PTPRJ: variants seen among roughly 807,000 people sequenced by gnomAD.
The protein encoded by PTPRJ is receptor-type tyrosine-protein phosphatase eta.
PTPRJ carries 129 observed loss-of-function variants against 141.3 expected under a neutral mutation model. The observed-to-expected ratio is 0.91, with a 90% CI of 0.79 to 1.06. PTPRJ has a LOEUF of 1.06. Ranked by LOEUF, PTPRJ falls within the 50% of genes least tolerant of loss-of-function variation. The probability of loss-of-function intolerance (pLI) is 0.00; values close to 1 mark genes in which losing one functional copy is unlikely to be tolerated. For missense variants in PTPRJ, 1,601 were observed against 1,679.7 expected, an observed-to-expected ratio of 0.95 and a Z score of 0.82; for synonymous variants, 610 against 640.5, an observed-to-expected ratio of 0.95 and a Z score of 0.72.
chr11:48,013,103 C>T (rs1218554035), intron 1 of PTPRJ, among the ~76,000 whole-genome samples: 1 of 90,062 alleles, frequency 1.1e-5, no homozygotes, highest in Non-Finnish European at 2.3e-5. Context: ...GACTCTGTGT[C>T]AAAAAAAAAA....
chr11:48,059,668 C>T (rs1310025055), intron 1 of PTPRJ, among the ~76,000 whole-genome samples: 2 of 152,166 alleles, frequency 1.3e-5, no homozygotes, highest in Non-Finnish European at 2.9e-5. Context: ...GTTATGGTCT[C>T]CTAGGTGACA....
Position 47,980,921 on chromosome 11 carries a change from G to C in PTPRJ, c.9G>C (p.Pro3=), listed in dbSNP as rs1327966683. The part of the protein sequence containing the change: MK[P]AAREARLPPR... ...TCCAGGGCGCGCGGGGCATGAAGCC[G>C]GCGGCGCGGGAGGCGCGGCTGCCTC... Residue 3 remains proline (P), a synonymous_variant, in exon 1 of 25, where the codon CCG becomes CCC. Coordinates refer to ENST00000418331, the MANE Select transcript of PTPRJ (RefSeq NM_002843.4). 1 of 1,174,556 alleles carries C rather than the reference G, an allele frequency of 8.5e-7. No homozygotes were observed. 72.8% of individuals were successfully genotyped at this position (1,174,556 alleles called of 1,614,324 possible).
At chr11:48,003,448 C>T (rs766072474) in intron 1 of PTPRJ, among the ~76,000 whole-genome samples, 15 of 151,952 alleles carry the variant, frequency 9.9e-5, no homozygotes, top group African/African-American at 2.9e-4. Context: ...TCATTATGTC[C>T]GTCCCAGCAC....
chr11:48,125,032 C>T lies in PTPRJ; in HGVS notation c.939C>T (p.Leu313=), dbSNP rs752929530. The change falls in exon 6 of 25, where the codon CTC becomes CTT. Residue 313 remains leucine (L), a synonymous_variant. Coordinates refer to ENST00000418331, the MANE Select transcript of PTPRJ (RefSeq NM_002843.4). ...CCGCCCCTGTGCATGATGAGTCCCT[C>T]GTGGGACCTGTGGACCCATCCTCCG... ...SPTAPVHDES[L]VGPVDPSSGQ... 1.6e-5 allele frequency: 26 copies of T among 1,614,014 alleles called. No individual in the cohort carries two copies. The highest frequency in any genetic ancestry group is 1.1e-4 in the African/African-American group (8 of 74,908).
intron 15 of PTPRJ, 149 bp from the exon 16 acceptor site, chr11:48,149,298 G>T: frequency 1.5e-6 from 1 of 650,894 alleles, no homozygotes; most frequent in South Asian, 1.9e-5. Context: ...TAGTATTAGG[G>T]GGCAGGATTT....
intron 18 of PTPRJ, among the ~76,000 whole-genome samples, chr11:48,153,449 C>T (rs904678351): frequency 8.6e-5 from 12 of 140,136 alleles, no homozygotes; most frequent in Non-Finnish European, 1.5e-4. Context: ...CAGGAGACCG[C>T]GCCACTGCAC....
At chr11:48,120,974 TA>T in intron 3 of PTPRJ, 28 bp from the exon 4 acceptor site, 2 of 1,423,764 alleles carry the variant, frequency 1.4e-6, no homozygotes, top group East Asian at 2.6e-5. Context: ...TGAAGTGCAA[TA>T]ATTTTTTTTT....
rs564008929 is a variant in PTPRJ, at chr11:48,131,838, C to T, written c.1615+1122C>T. The T allele has an allele frequency of 6.2e-5, 19 of 307,304 alleles. No individual in the cohort carries two copies. The South Asian group carries it at 2.3e-3, about 38-fold the overall frequency. The allele number at this position is 307,304 out of a possible 1,614,324, so 19.0% of individuals were successfully genotyped here. ...TCCCTAGGTTCTTTCAAGGGGTCTC[C>T]AAGGTAGTATTATCATAACAATACT... On this transcript the variant is annotated intron_variant, in intron 8 of 24. Coordinates refer to ENST00000418331, the MANE Select transcript of PTPRJ (RefSeq NM_002843.4).
At chr11:48,105,431 G>C (rs1368471459) in intron 1 of PTPRJ, among the ~76,000 whole-genome samples, 1 of 152,174 alleles carries the variant, frequency 6.6e-6, no homozygotes, top group Non-Finnish European at 1.5e-5. Flanking sequence ...GCAGTCACAG[G>C]AAGTCACCAA....
intron 1 of PTPRJ, among the ~76,000 whole-genome samples, chr11:48,060,150 CT>C (rs1243159390): frequency 6.6e-6 from 1 of 152,086 alleles, no homozygotes; most frequent in Non-Finnish European, 1.5e-5. Context: ...ATTTTTTCCC[CT>C]CTAGGTCTAT....
chr11:48,113,128 AT>A (rs1289690497), intron 3 of PTPRJ, 145 bp downstream of exon 3: 7 of 626,206 alleles, frequency 1.1e-5, no homozygotes, highest in Non-Finnish European at 1.9e-5. Flanking sequence ...ATGCATATTC[AT>A]TATATAAAAC....
At chr11:48,113,057 A>G in intron 3 of PTPRJ, 74 bp downstream of exon 3, 1 of 1,278,790 alleles carries the variant, frequency 7.8e-7, no homozygotes, top group Non-Finnish European at 1.1e-6. Context: ...ATGTTTTCCA[A>G]ATACTGTTCT....
intron 14 of PTPRJ, 151 bp from the exon 15 acceptor site, chr11:48,146,725 G>GT: frequency 1.5e-6 from 1 of 684,524 alleles, no homozygotes; most frequent in Admixed American, 2.3e-5. Flanking sequence ...TCCCTTGTGT[G>GT]TGTGTGCGCC....
chr11:48,020,471 T>TCCTTCTAGAAGTTGAGTTC (rs975720926), intron 1 of PTPRJ, among the ~76,000 whole-genome samples: 1 of 152,212 alleles, frequency 6.6e-6, no homozygotes, highest in African/African-American at 2.4e-5. Flanking sequence ...TGGCCCCGTT[T>TCCTTCTAGAAGTTGAGTTC]CCTTCTAGAA....
intron 1 of PTPRJ, among the ~76,000 whole-genome samples, chr11:47,987,235 T>C (rs911942290): frequency 6.6e-6 from 1 of 152,052 alleles, no homozygotes; most frequent in Admixed American, 6.6e-5. Flanking sequence ...AAAAATAATT[T>C]ATTTTAGGGG....
At chr11:48,064,320 G>A (rs1855019019) in intron 1 of PTPRJ, among the ~76,000 whole-genome samples, 1 of 152,150 alleles carries the variant, frequency 6.6e-6, no homozygotes, top group Non-Finnish European at 1.5e-5. Flanking sequence ...AGGACCTGAA[G>A]GTCTCTTCTC....
rs1856472399 is a variant in PTPRJ, at chr11:48,112,760, T to C, written c.129T>C (p.Ile43=). Residue 43 remains isoleucine (I), a synonymous_variant, in exon 3 of 25, where the codon ATT becomes ATC. Transcript: ENST00000418331. Reference sequence around the variant, plus strand: ...TTCTTTGCATAGCCCCTAGTCCAATTCCTGACCCTTCAGTAGCAACTGTTG... The same window carrying C: ...TTCTTTGCATAGCCCCTAGTCCAATCCCTGACCCTTCAGTAGCAACTGTTG... ...ILCAGGTPSP[I]PDPSVATVAT... 1 of 1,613,456 alleles carries C rather than the reference T, an allele frequency of 6.2e-7. No individual in the cohort carries two copies. Among genetic ancestry groups the C allele is most frequent in the Non-Finnish European group, 8.5e-7 (1 of 1,179,452 alleles).
chr11:48,082,962 A>G (rs1363866730), intron 1 of PTPRJ, among the ~76,000 whole-genome samples: 3 of 152,150 alleles, frequency 2.0e-5, no homozygotes, highest in Non-Finnish European at 4.4e-5. Flanking sequence ...GTGTAAACAG[A>G]TGGTGTGGTT....
intron 3 of PTPRJ, among the ~76,000 whole-genome samples, chr11:48,120,651 G>C (rs4752901): frequency 0.71 from 107,729 of 151,770 alleles, 39,759 homozygotes; most frequent in South Asian, 0.84. Flanking sequence ...GTTGGCCAGG[G>C]TGGTCTTGAA....
Sources: allele counts gnomAD v4.1 joint callset (sites outside exome capture counted in the v4.1 genomes callset), GRCh38; gene constraint gnomAD v4.1.1; transcripts MANE v1.5; gene names NCBI Gene and HGNC (gene_info 2026-07-23, HGNC 2026-07-21).